PKD2L2: variants seen among roughly 807,000 people sequenced by gnomAD.
The protein encoded by PKD2L2 is polycystin-2-like protein 2.
PKD2L2 carries 67 observed loss-of-function variants against 83.9 expected under a neutral mutation model. The ratio of observed to expected loss-of-function variants is 0.80; its 90% CI spans 0.66 to 0.98. The LOEUF (loss-of-function observed/expected upper bound fraction) is 0.98, where lower values mean the gene tolerates loss of function less well. Among genes scored for constraint, PKD2L2 ranks in the 50% least tolerant of loss-of-function variants. The pLI is 0.00. For synonymous variants in PKD2L2, 223 were observed against 237.8 expected (o/e 0.94, Z 0.57); for missense variants, 632 against 717.2 (o/e 0.88, Z 1.36).
intron 8 of PKD2L2, among the ~76,000 whole-genome samples, chr5:137,913,184 CTTTTT>C (rs35984179): frequency 4.8e-5 from 5 of 104,852 alleles, no homozygotes; most frequent in African/African-American, 1.1e-4. Flanking sequence ...CTTCTTTTTT[CTTTTT>C]TTTTTTTTTT....
At chr5:137,919,950 C>A (rs1758738354) in intron 8 of PKD2L2, among the ~76,000 whole-genome samples, 1 of 152,208 alleles carries the variant, frequency 6.6e-6, no homozygotes, top group South Asian at 2.1e-4. Flanking sequence ...GTAATTCCAG[C>A]ACTTTGGGAG....
At chr5:137,929,826 T>TA (rs1759716900) in intron 12 of PKD2L2, among the ~76,000 whole-genome samples, 1 of 152,000 alleles carries the variant, frequency 6.6e-6, no homozygotes, top group Non-Finnish European at 1.5e-5. Context: ...AATATATACT[T>TA]AAAGAGATTC....
chr5:137,909,942 C>A (rs1757678094), intron 8 of PKD2L2, among the ~76,000 whole-genome samples: 1 of 151,946 alleles, frequency 6.6e-6, no homozygotes, highest in Admixed American at 6.6e-5. Flanking sequence ...TTTAAAATAG[C>A]TTTAGGCTGG....
intron 4 of PKD2L2, among the ~76,000 whole-genome samples, chr5:137,898,320 A>G (rs1756655370): frequency 6.6e-6 from 1 of 152,184 alleles, no homozygotes; most frequent in East Asian, 1.9e-4. Context: ...TAAAATATCT[A>G]CGTAACAACA....
At chr5:137,925,239 A>G (rs1004547230) in intron 11 of PKD2L2, 135 bp downstream of exon 11, 1 of 624,636 alleles carries the variant, frequency 1.6e-6, no homozygotes. Flanking sequence ...TGTTGGTCAG[A>G]CTGGTCTCAA....
At position 137,894,546 on chromosome 5, in the gene PKD2L2, G is replaced by C; in HGVS notation, c.461G>C (p.Cys154Ser). 1 of 1,613,080 alleles carries C rather than the reference G, an allele frequency of 6.2e-7. No individual in the cohort carries two copies. Among genetic ancestry groups the C allele is most frequent in the Non-Finnish European group, 8.5e-7 (1 of 1,179,128 alleles). The change falls in exon 4 of 15, where the codon TGT (cysteine) becomes TCT (serine). Residue 154 changes from cysteine to serine, a missense_variant. Transcript: ENST00000508883. ...TCTTTTCAGTCTTTGATGAGTGAAT[G>C]TTATGGCAAATATACTTCTGCAAAT... Reference protein sequence around the residue: ...YSSFQSLMSECYGKYTSANED... With the variant: ...YSSFQSLMSESYGKYTSANED...
At chr5:137,904,313 T>C (rs1757195008) in intron 5 of PKD2L2, among the ~76,000 whole-genome samples, 1 of 152,302 alleles carries the variant, frequency 6.6e-6, no homozygotes, top group South Asian at 2.1e-4. Flanking sequence ...TTAATCAGCT[T>C]CCACTAAGTG....
At chr5:137,896,178 CAAA>C (rs200945660) in intron 4 of PKD2L2, among the ~76,000 whole-genome samples, 1 of 96,568 alleles carries the variant, frequency 1.0e-5, no homozygotes, top group Non-Finnish European at 2.2e-5. Context: ...AACTCCGTCT[CAAA>C]AAAAAAAAAA....
At chr5:137,896,926 G>GT (rs56942570) in intron 4 of PKD2L2, among the ~76,000 whole-genome samples, 24 of 142,936 alleles carry the variant, frequency 1.7e-4, no homozygotes, top group Middle Eastern at 7.4e-3. Context: ...TCATTGCTGG[G>GT]TTTTTTTTTT....
intron 4 of PKD2L2, among the ~76,000 whole-genome samples, chr5:137,898,280 T>C (rs551081874): frequency 1.3e-5 from 2 of 152,200 alleles, no homozygotes; most frequent in African/African-American, 4.8e-5. Flanking sequence ...AATTTAGTTA[T>C]ACACAGTTTA....
chr5:137,916,475 CTTTTTTTTT>C (rs1169529107), intron 8 of PKD2L2, among the ~76,000 whole-genome samples: 1 of 93,216 alleles, frequency 1.1e-5, no homozygotes, highest in African/African-American at 4.1e-5. Context: ...CACTTTTCTT[CTTTTTTTTT>C]TTTTTTTTTT....
intron 3 of PKD2L2, 116 bp downstream of exon 3, chr5:137,892,729 T>G (rs1756097448): frequency 1.2e-6 from 1 of 854,104 alleles, no homozygotes; most frequent in Non-Finnish European, 1.8e-6. Flanking sequence ...TAAATGTCAT[T>G]TCTTTAAACT....
At chr5:137,937,787 C>G (rs1760594101) in intron 14 of PKD2L2, among the ~76,000 whole-genome samples, 1 of 152,120 alleles carries the variant, frequency 6.6e-6, no homozygotes, top group Non-Finnish European at 1.5e-5. Flanking sequence ...ATGGCCTTTC[C>G]CTGTCTTACC....
intron 3 of PKD2L2, among the ~76,000 whole-genome samples, chr5:137,892,987 T>C (rs909866606): frequency 6.6e-6 from 1 of 152,100 alleles, no homozygotes; most frequent in African/African-American, 2.4e-5. Flanking sequence ...CAGCCACCTG[T>C]AATCCCGGGA....
chr5:137,926,023 G>A (rs1039014175), intron 12 of PKD2L2, 94 bp downstream of exon 12: 2 of 652,760 alleles, frequency 3.1e-6, no homozygotes, highest in Admixed American at 2.6e-5. Context: ...ATGATTTGCT[G>A]TTTTTCAGAA....
At position 137,889,541 on chromosome 5, in the gene PKD2L2, G is replaced by C; in HGVS notation, c.31+19G>C. The C allele has an allele frequency of 1.3e-6, 2 of 1,539,528 alleles. No individual in the cohort carries two copies. The highest frequency in any genetic ancestry group is 4.7e-5 in the Admixed American group (2 of 42,406). On this transcript the variant is annotated intron_variant, in intron 1 of 14. Transcript: ENST00000508883. ...CGAGGCGGTGAGGGGTCCTCTTAAG[G>C]AGTGGGAGGGACAGGGGCGATTTGG...
At chr5:137,902,201 C>A (rs1029497932) in intron 5 of PKD2L2, among the ~76,000 whole-genome samples, 1 of 151,944 alleles carries the variant, frequency 6.6e-6, no homozygotes, top group African/African-American at 2.4e-5. Flanking sequence ...CTTTTGACTT[C>A]TTTTATGACA....
chr5:137,909,892 T>C (rs1467687738), intron 8 of PKD2L2, among the ~76,000 whole-genome samples: 1 of 152,124 alleles, frequency 6.6e-6, no homozygotes, highest in Non-Finnish European at 1.5e-5. Context: ...TTTATTGATA[T>C]TGACCTGATC....
intron 12 of PKD2L2, among the ~76,000 whole-genome samples, chr5:137,930,168 C>G (rs1216624316): frequency 1.3e-5 from 2 of 152,112 alleles, no homozygotes; most frequent in Non-Finnish European, 2.9e-5. Context: ...AAGTTCTGTA[C>G]TCTCAGAAAA....
Sources: allele counts gnomAD v4.1 joint callset (sites outside exome capture counted in the v4.1 genomes callset), GRCh38; gene constraint gnomAD v4.1.1; transcripts MANE v1.5; gene names NCBI Gene and HGNC (gene_info 2026-07-23, HGNC 2026-07-21).